The following BABAM2 variants were observed in gnomAD, a reference collection of about 807,000 sequenced individuals.
BABAM2 encodes BRISC and BRCA1 A complex member 2.
Under a neutral mutation model 54.7 loss-of-function variants are expected in BABAM2, and 31 were observed. That is an observed-to-expected ratio of 0.57 (90% CI 0.43 to 0.77). BABAM2 has a LOEUF of 0.77. Ranked by LOEUF, BABAM2 falls within the 30% of genes least tolerant of loss-of-function variation. The probability of loss-of-function intolerance (pLI) is 0.00; values close to 1 mark genes in which losing one functional copy is unlikely to be tolerated. For missense variants in BABAM2, 364 were observed against 455.8 expected (o/e 0.80, Z 1.83); for synonymous variants, 167 against 162.9 (o/e 1.03, Z -0.19).
intron 6 of BABAM2, among the ~76,000 whole-genome samples, chr2:28,061,034 A>G (rs537105357): frequency 3.3e-5 from 5 of 152,340 alleles, no homozygotes; most frequent in African/African-American, 1.2e-4. Flanking sequence ...ATTTTGAAAA[A>G]GAAGAACAAA....
At chr2:27,891,810 G>T (rs1431109452) in intron 1 of BABAM2, among the ~76,000 whole-genome samples, 1 of 151,082 alleles carries the variant, frequency 6.6e-6, no homozygotes, top group Non-Finnish European at 1.5e-5. Flanking sequence ...CCTGGAAATA[G>T]AATTCATTCC....
chr2:28,127,136 TA>T, intron 6 of BABAM2, among the ~76,000 whole-genome samples: 1 of 152,280 alleles, frequency 6.6e-6, no homozygotes, highest in African/African-American at 2.4e-5. Context: ...AGAAGCTCTT[TA>T]GTTTAATTAG....
chr2:27,985,057 A>ATTGTG (rs369150029), intron 3 of BABAM2, among the ~76,000 whole-genome samples: 1 of 137,410 alleles, frequency 7.3e-6, no homozygotes, highest in Non-Finnish European at 1.6e-5. Context: ...GTATTCCATG[A>ATTGTG]TGTGTGTGTG....
chr2:27,965,064 A>G (rs1442732749), intron 3 of BABAM2, among the ~76,000 whole-genome samples: 1 of 152,172 alleles, frequency 6.6e-6, no homozygotes. Context: ...TATGTCAGAA[A>G]CTGAGCTGAA....
chr2:28,148,867 C>T (rs1671752833), intron 7 of BABAM2, among the ~76,000 whole-genome samples: 1 of 152,192 alleles, frequency 6.6e-6, no homozygotes, highest in Non-Finnish European at 1.5e-5. Context: ...AAGTGCTTGC[C>T]TTTGTTCCTC....
chr2:28,254,252 C>T (rs6750758), intron 10 of BABAM2, among the ~76,000 whole-genome samples: 127,355 of 152,120 alleles, frequency 0.84, 54,205 homozygotes, highest in East Asian at 1. Flanking sequence ...TTCTCCTGCC[C>T]CAGCCTCCCA....
At chr2:28,230,472 T>C (rs2148038125) in intron 7 of BABAM2, among the ~76,000 whole-genome samples, 1 of 152,010 alleles carries the variant, frequency 6.6e-6, no homozygotes, top group African/African-American at 2.4e-5. Context: ...ACCCAGCACT[T>C]TGGGAGGCCA....
intron 6 of BABAM2, among the ~76,000 whole-genome samples, chr2:28,084,260 G>A (rs1187108690): frequency 6.6e-6 from 1 of 152,180 alleles, no homozygotes; most frequent in Non-Finnish European, 1.5e-5. Flanking sequence ...AAAGGCCTCT[G>A]AAGAGTGCGT....
chr2:28,137,274 A>G (rs1361251498), intron 7 of BABAM2, among the ~76,000 whole-genome samples: 1 of 152,146 alleles, frequency 6.6e-6, no homozygotes, highest in Non-Finnish European at 1.5e-5. Context: ...TATAATAAAT[A>G]TTGTGCTCCT....
chr2:28,201,805 C>T (rs1206976064), intron 7 of BABAM2, among the ~76,000 whole-genome samples: 1 of 152,106 alleles, frequency 6.6e-6, no homozygotes, highest in Non-Finnish European at 1.5e-5. Context: ...TGCGGTGCAT[C>T]AGCAGGAACA....
intron 7 of BABAM2, among the ~76,000 whole-genome samples, chr2:28,229,400 G>A (rs1681171472): frequency 6.6e-6 from 1 of 152,254 alleles, no homozygotes; most frequent in East Asian, 1.9e-4. Context: ...TAGAGGAAAA[G>A]CACTTAATAC....
intron 7 of BABAM2, among the ~76,000 whole-genome samples, chr2:28,199,763 T>C (rs139476939): frequency 0.011 from 1,710 of 152,180 alleles, 26 homozygotes; most frequent in South Asian, 0.05. Flanking sequence ...CAGTGGAAGT[T>C]TGAAGGACCT....
chr2:28,021,154 G>A (rs950398053), intron 4 of BABAM2, among the ~76,000 whole-genome samples: 2 of 152,178 alleles, frequency 1.3e-5, no homozygotes, highest in African/African-American at 4.8e-5. Context: ...GAAATGCTGG[G>A]TGAGGGACAG....
intron 2 of BABAM2, chr2:27,895,191 A>G (rs529151488): frequency 6.6e-6 from 1 of 152,612 alleles, no homozygotes; most frequent in East Asian, 1.9e-4. Context: ...GATTTACCAA[A>G]AAGCTACAAA....
At chr2:28,266,953 C>T (rs1056187170) in intron 10 of BABAM2, among the ~76,000 whole-genome samples, 7 of 152,120 alleles carry the variant, frequency 4.6e-5, no homozygotes, top group African/African-American at 9.7e-5. Flanking sequence ...ATCAGGAATT[C>T]GAGACCAGCC....
intron 10 of BABAM2, among the ~76,000 whole-genome samples, chr2:28,258,778 A>C (rs7575522): frequency 0.13 from 19,242 of 149,750 alleles, 1,439 homozygotes; most frequent in African/African-American, 0.21. Context: ...ATGCCTGGCT[A>C]ATTTTTTTTT....
intron 7 of BABAM2, among the ~76,000 whole-genome samples, chr2:28,174,333 T>C (rs1174251223): frequency 6.6e-6 from 1 of 152,122 alleles, no homozygotes; most frequent in Non-Finnish European, 1.5e-5. Flanking sequence ...AATATATGTA[T>C]ATATATATAA....
At chr2:27,958,143 G>A (rs922082800) in intron 3 of BABAM2, among the ~76,000 whole-genome samples, 9 of 152,174 alleles carry the variant, frequency 5.9e-5, no homozygotes, top group African/African-American at 2.2e-4. Flanking sequence ...ACTACATTCT[G>A]CCTATATTTC....
chr2:28,267,438 T>TACACACACACAC, intron 10 of BABAM2, among the ~76,000 whole-genome samples: 1 of 141,830 alleles, frequency 7.1e-6, no homozygotes, highest in East Asian at 2.1e-4. Context: ...CACACACACA[T>TACACACACACAC]ACACACACAC....
Sources: allele counts gnomAD v4.1 joint callset (sites outside exome capture counted in the v4.1 genomes callset), GRCh38; gene constraint gnomAD v4.1.1; transcripts MANE v1.5; gene names NCBI Gene and HGNC (gene_info 2026-07-23, HGNC 2026-07-21).